The following PSMD3 variants were observed in gnomAD, a reference collection of about 807,000 sequenced individuals.
PSMD3 encodes the protein proteasome 26S subunit, non-ATPase 3, also known as 26S proteasome non-ATPase regulatory subunit 3.
In PSMD3, 5 loss-of-function variants were observed where a neutral mutation model predicts 62.8. That is an observed-to-expected ratio of 0.08 (90% confidence interval 0.04 to 0.17). PSMD3 has a LOEUF of 0.17. PSMD3 is among the 10% of genes least tolerant of loss of function. The probability of loss-of-function intolerance (pLI) is 1.00; values close to 1 mark genes in which losing one functional copy is unlikely to be tolerated. For synonymous variants in PSMD3, 265 were observed against 283.9 expected (o/e 0.93, Z 0.67); for missense variants, 524 against 713.6 (o/e 0.73, Z 3.03).
At position 39,996,169 on chromosome 17, in the gene PSMD3, T is replaced by A. The variant is rs1404446701; in HGVS notation, c.1321-14T>A. 6.2e-7 allele frequency: 1 copy of A among 1,613,252 alleles called. No homozygotes were observed. The highest frequency in any genetic ancestry group is 8.5e-7 in the Non-Finnish European group (1 of 1,179,924). Reference sequence around the variant, plus strand: ...TGGGTGTGCTGGTGAACTTTCCTCTTTGGGGGCCTGCAGGCCATCCGGGAT... The same window carrying A: ...TGGGTGTGCTGGTGAACTTTCCTCTATGGGGGCCTGCAGGCCATCCGGGAT... On this transcript the variant is annotated splice_polypyrimidine_tract_variant and intron_variant, in intron 9 of 11. Transcript: ENST00000264639. This position sits in a 1 kb window ranked among gnomAD's most constrained non-coding sequence, Gnocchi z 5.1.
At position 39,996,044 on chromosome 17, in the gene PSMD3, G is replaced by A. The variant is rs530429332; in HGVS notation, c.1321-139G>A. On this transcript the variant is annotated intron_variant, in intron 9 of 11. Transcript: ENST00000264639. The surrounding 1 kb of genome is among the most constrained non-coding windows in gnomAD (Gnocchi z 5.1). ...TGAGGCAGGAGAATCGCTTGAACCC[G>A]GGAGGTAAAGGTTGCAGTGAGCTGA... 2.6e-4 allele frequency: 261 copies of A among 1,006,586 alleles called. 2 individuals are homozygous for A. The East Asian group carries it at 5.0e-3, about 19-fold the overall frequency. The allele number at this position is 1,006,586 out of a possible 1,614,324, so 62.4% of individuals were successfully genotyped here. A position where few individuals can be genotyped will look rare whatever the true frequency, so the allele number is the denominator to read the frequency against.
At position 39,997,786 on chromosome 17, in the gene PSMD3, G is replaced by A. The variant is rs1192527264; in HGVS notation, c.*205G>A. Reference sequence around the variant, plus strand: ...GACTTACTGTACAGCAGGCAGGAGGGTGGGCAGGCAACCTCCCCGGGCAGG... The same window carrying A: ...GACTTACTGTACAGCAGGCAGGAGGATGGGCAGGCAACCTCCCCGGGCAGG... On this transcript the variant is annotated 3_prime_UTR_variant, in exon 12 of 12. Transcript: ENST00000264639. The A allele has an allele frequency of 3.2e-6, 2 of 628,118 alleles. No homozygotes were observed. Among genetic ancestry groups the A allele is most frequent in the South Asian group, 1.9e-5 (1 of 51,560 alleles). 38.9% of individuals were successfully genotyped at this position (628,118 alleles called of 1,614,324 possible).
At position 39,995,687 on chromosome 17, in the gene PSMD3, CAGAG is replaced by C. The variant is rs1176435530; in HGVS notation, c.1320+165_1320+168del. On this transcript the variant is annotated intron_variant, in intron 9 of 11. Transcript: ENST00000264639. This position sits in a 1 kb window ranked among gnomAD's most constrained non-coding sequence, Gnocchi z 4.1. ...ATTTGCAGTGAAGCCAAGAAGTTGCCAGAGAGAGCATGGATGTGCATGTGAGTGT... is the reference window on the plus strand; with the variant it reads ...ATTTGCAGTGAAGCCAAGAAGTTGCCAGAGCATGGATGTGCATGTGAGTGT... The C allele has an allele frequency of 5.6e-6, 4 of 710,184 alleles. No individual in the cohort carries two copies. The highest frequency in any genetic ancestry group is 3.5e-5 in the African/African-American group (2 of 56,960). 44.0% of individuals were successfully genotyped at this position (710,184 alleles called of 1,614,324 possible).
At chr17:39,989,025 A>G (rs1980592487) in intron 4 of PSMD3, among the ~76,000 whole-genome samples, 1 of 152,144 alleles carries the variant, frequency 6.6e-6, no homozygotes, top group Non-Finnish European at 1.5e-5. Flanking sequence ...CTGGGCTGTA[A>G]AGAACTGTCC....
rs942111671 is a variant in PSMD3 at position 39,996,541 on chromosome 17, C to A, written c.1476+203C>A. ...CATAGCCAGTTGCCCTCTCCTATTGCGTTTAAGGGATGATGTGGTCACCAG... is the reference window on the plus strand; with the variant it reads ...CATAGCCAGTTGCCCTCTCCTATTGAGTTTAAGGGATGATGTGGTCACCAG... On this transcript the variant is annotated intron_variant, in intron 10 of 11. Coordinates refer to ENST00000264639, the MANE Select transcript of PSMD3 (RefSeq NM_002809.4). This position sits in a 1 kb window ranked among gnomAD's most constrained non-coding sequence, Gnocchi z 5.1. Among the ~76,000 whole-genome samples the A allele has an allele frequency of 2.0e-5, 3 of 152,246 alleles. No individual in the cohort carries two copies. Among genetic ancestry groups the A allele is most frequent in the Non-Finnish European group, 1.5e-5 (1 of 68,020 alleles).
chr17:39,986,829 C>G, intron 3 of PSMD3, 117 bp downstream of exon 3: 1 of 1,328,608 alleles, frequency 7.5e-7, no homozygotes, highest in South Asian at 1.3e-5. Context: ...AACTGTCCCC[C>G]ACACTCTTTC....
rs139137910 is a variant in PSMD3 at position 39,988,780 on chromosome 17, G to A, written c.647G>A (p.Arg216Gln). The A allele has an allele frequency of 1.5e-4, 248 of 1,613,976 alleles. No homozygotes were observed. Among genetic ancestry groups the A allele is most frequent in the Non-Finnish European group, 1.7e-4 (198 of 1,180,046 alleles). The change falls in exon 4 of 12, where the codon CGG becomes CAG. Residue 216 changes from arginine (R) to glutamine (Q), a missense_variant. Physicochemically the swap from Arg to Gln is conservative, Grantham distance 43. This residue lies in a region of PSMD3 where 396 missense variants were observed against 475.8 expected (regional missense o/e 0.83). Coordinates refer to ENST00000264639, the MANE Select transcript of PSMD3 (RefSeq NM_002809.4). ...VAAKCYYYHARVYEFLDKLDV... is the reference protein window; with the variant it reads ...VAAKCYYYHAQVYEFLDKLDV... ...GCAAAGTGTTACTATTATCACGCCC[G>A]GGTCTATGAGTTCCTGGACAAGCTG...
rs59894264 is a variant in PSMD3 at position 39,992,024 on chromosome 17, C to CAAAAAAAAAAA, written c.981+1836_981+1837insAAAAAAAAAAA. 3.5e-4 allele frequency among the ~76,000 whole-genome samples: 36 copies of CAAAAAAAAAAA among 102,044 alleles called. 1 individual carries two copies. Among genetic ancestry groups the CAAAAAAAAAAA allele is most frequent in the Admixed American group, 1.3e-3 (13 of 10,212 alleles). The allele number at this position is 102,044 out of a possible 152,430, so 66.9% of individuals were successfully genotyped here. On this transcript the variant is annotated intron_variant, in intron 6 of 11. Transcript: ENST00000264639. Reference sequence around the variant, plus strand: ...TGGGCGACAGAGCAAGACTCTGTCTCAAAAAAAAACAAACATTAAAATTGA... The same window carrying CAAAAAAAAAAA: ...TGGGCGACAGAGCAAGACTCTGTCTCAAAAAAAAAAAAAAAAAAAACAAACATTAAAATTGA...
At position 39,988,581 on chromosome 17, in the gene PSMD3, T is replaced by C. The variant is rs948439245; in HGVS notation, c.550-102T>C. The C allele has an allele frequency of 7.4e-6, 10 of 1,345,746 alleles. No homozygotes were observed. In the African/African-American group the frequency reaches 1.5e-4, roughly 20 times the overall value. 83.4% of individuals were successfully genotyped at this position (1,345,746 alleles called of 1,614,324 possible). Reference sequence around the variant, plus strand: ...ATGTGAGCCTAAGTTTCCAGTTCTCTTGGCTTGCATACCTAGGATAGGAAT... The same window carrying C: ...ATGTGAGCCTAAGTTTCCAGTTCTCCTGGCTTGCATACCTAGGATAGGAAT... On this transcript the variant is annotated intron_variant, in intron 3 of 11. Coordinates refer to ENST00000264639, the MANE Select transcript of PSMD3 (RefSeq NM_002809.4).
Position 39,986,612 on chromosome 17 carries a change from G to T in PSMD3, c.449G>T (p.Arg150Leu), listed in dbSNP as rs762214384. ...DTEADLQFRP[R>L]TGKAASTPLL... is the part of the protein sequence containing the mutation. ...GAGGCTGATTTACAGTTCCGTCCCC[G>T]CACGGGAAAAGCTGCGTCGACACCC... The change falls in exon 3 of 12, where the codon CGC becomes CTC. Residue 150 changes from arginine to leucine, a missense_variant. Arg to Leu is a moderately radical substitution (Grantham distance 102). Transcript: ENST00000264639. 1 of 1,614,046 alleles carries T rather than the reference G, an allele frequency of 6.2e-7. No individual in the cohort carries two copies. Among genetic ancestry groups the T allele is most frequent in the Admixed American group, 1.7e-5 (1 of 60,012 alleles).
chr17:39,992,030 A>AAAAAAAAAAAAAAAAAAAAAAAAC (rs1311683541), intron 6 of PSMD3, among the ~76,000 whole-genome samples: 5 of 151,642 alleles, frequency 3.3e-5, no homozygotes, highest in East Asian at 3.9e-4. Context: ...GTCTCAAAAA[A>AAAAAAAAAAAAAAAAAAAAAAAAC]AAACAAACAT....
chr17:39,995,329 G>C lies in PSMD3; in HGVS notation c.1216+34G>C. ...CAGGATCTGAGGGGCTGTTGGAGGA[G>C]CAGAAGCCAGGCCAGGGCAAACCTA... is the stretch of plus-strand genomic sequence containing the variant. On this transcript the variant is annotated intron_variant, in intron 8 of 11. Transcript: ENST00000264639. The surrounding 1 kb of genome is among the most constrained non-coding windows in gnomAD (Gnocchi z 4.1). The C allele has an allele frequency of 1.2e-6, 2 of 1,614,028 alleles. No individual in the cohort carries two copies. Among genetic ancestry groups the C allele is most frequent in the South Asian group, 2.2e-5 (2 of 91,078 alleles).
In PSMD3 at chr17:39,988,749, G is replaced by C. The variant is rs1214862116; in HGVS notation, c.616G>C (p.Val206Leu). Residue 206 changes from valine to leucine, a missense_variant, in exon 4 of 12, where the codon GTA becomes CTA. Physicochemically the swap from Val to Leu is conservative, Grantham distance 32 (BLOSUM62 1). Around this residue, in one of 4 missense-constraint regions of PSMD3, gnomAD observed 396 missense variants for 475.8 expected, o/e 0.83. Transcript: ENST00000264639. ...STQNRRALDL[V>L]AAKCYYYHAR... is the part of the protein sequence containing the mutation. ...TCAGAACCGCCGGGCCCTAGACCTT[G>C]TAGCCGCAAAGTGTTACTATTATCA... The C allele has an allele frequency of 6.2e-7, 1 of 1,614,172 alleles. No homozygotes were observed. The highest frequency in any genetic ancestry group is 2.2e-5 in the East Asian group (1 of 44,888).
Position 39,984,299 on chromosome 17 carries a change from A to G in PSMD3, c.226A>G (p.Lys76Glu). The change falls in exon 2 of 12, where the codon AAG becomes GAG. Residue 76 changes from lysine to glutamate, a missense_variant. Coordinates refer to ENST00000264639, the MANE Select transcript of PSMD3 (RefSeq NM_002809.4). ...ELDTVTLEDI[K>E]EHVKQLEKAV... ...TCTTCTCTGCTCTTCTTCAGACATC[A>G]AGGAGCACGTGAAACAGCTAGAGAA... 1 of 1,612,144 alleles carries G rather than the reference A, an allele frequency of 6.2e-7. No individual in the cohort carries two copies. Among genetic ancestry groups the G allele is most frequent in the Non-Finnish European group, 8.5e-7 (1 of 1,179,076 alleles).
intron 1 of PSMD3, 23 bp from the exon 2 acceptor site, chr17:39,984,271 T>G: frequency 6.3e-7 from 1 of 1,588,480 alleles, no homozygotes; most frequent in Non-Finnish European, 8.6e-7. Context: ...AGTGACATCA[T>G]TTTCTTCTCT....
At chr17:39,983,965 C>T (rs1392675442) in intron 1 of PSMD3, among the ~76,000 whole-genome samples, 2 of 151,886 alleles carry the variant, frequency 1.3e-5, no homozygotes, top group East Asian at 1.9e-4. Flanking sequence ...TTTGGGAGGC[C>T]AAGGCGGGCA....
intron 3 of PSMD3, among the ~76,000 whole-genome samples, chr17:39,988,339 C>G (rs1049241205): frequency 2.0e-5 from 3 of 152,094 alleles, no homozygotes; most frequent in African/African-American, 7.2e-5. Context: ...CACCGTGTGC[C>G]CTTGGTTTCT....
intron 4 of PSMD3, 45 bp downstream of exon 4, chr17:39,988,864 A>G: frequency 3.1e-6 from 5 of 1,603,150 alleles, no homozygotes; most frequent in Non-Finnish European, 4.3e-6. Flanking sequence ...GGGGTCAGAG[A>G]CTTGGTCAGT....
chr17:39,984,541 A>G, intron 2 of PSMD3, 57 bp downstream of exon 2: 2 of 1,473,168 alleles, frequency 1.4e-6, no homozygotes, highest in South Asian at 1.3e-5. Context: ...CCCCAGGAAC[A>G]GCATTGTTTT....
Sources: allele counts gnomAD v4.1 joint callset (sites outside exome capture counted in the v4.1 genomes callset), GRCh38; gene constraint gnomAD v4.1.1; regional missense constraint gnomAD v4.1.1; non-coding constraint Gnocchi (gnomAD v3.1); transcripts MANE v1.5; gene names NCBI Gene and HGNC (gene_info 2026-07-23, HGNC 2026-07-21).